The following ASTN1 variants were observed in gnomAD, a reference collection of about 807,000 sequenced individuals.
The protein encoded by ASTN1 is astrotactin-1.
A neutral mutation model predicts 140.7 loss-of-function variants in ASTN1; 41 were observed. The ratio of observed to expected loss-of-function variants is 0.29; its 90% CI spans 0.23 to 0.38. The LOEUF (loss-of-function observed/expected upper bound fraction) is 0.38, where lower values mean the gene tolerates loss of function less well. Ranked by LOEUF, ASTN1 falls within the 10% of genes least tolerant of loss-of-function variation. The pLI, the probability that ASTN1 is intolerant of heterozygous loss-of-function variation, is 1.00. For missense variants in ASTN1, 1,479 were observed against 1,678.8 expected (o/e 0.88, Z 2.08); for synonymous variants, 640 against 652.2 (o/e 0.98, Z 0.29).
chr1:177,080,144 A>G (rs972640315), intron 1 of ASTN1, among the ~76,000 whole-genome samples: 6 of 151,914 alleles, frequency 3.9e-5, no homozygotes, highest in Non-Finnish European at 7.4e-5. Context: ...TAAACTAGGG[A>G]AAAAAATCAA....
chr1:177,153,783 A>G lies in ASTN1; in HGVS notation c.283+10611T>C, dbSNP rs181880394. On this transcript the variant is annotated intron_variant, in intron 1 of 22. Transcript: ENST00000361833. ...GTCAAGAAACATACAATAACCTGGG[A>G]AAAATGATATTTGCAACTCATTTTA... is the stretch of plus-strand genomic sequence containing the variant. Among the ~76,000 whole-genome samples, 410 of 152,302 alleles carry G rather than the reference A, an allele frequency of 2.7e-3. 1 individual carries two copies. The highest frequency in any genetic ancestry group is 4.6e-3 in the Non-Finnish European group (313 of 68,016).
chr1:176,943,398 T>G (rs1671821978), intron 14 of ASTN1, among the ~76,000 whole-genome samples: 1 of 152,198 alleles, frequency 6.6e-6, no homozygotes, highest in South Asian at 2.1e-4. Flanking sequence ...CACATGAGAC[T>G]CTATTGTCTA....
chr1:176,942,963 A>T (rs192324426), intron 14 of ASTN1, among the ~76,000 whole-genome samples: 4 of 149,580 alleles, frequency 2.7e-5, no homozygotes, highest in Admixed American at 2.0e-4. Context: ...GCTGTGTCAC[A>T]GGTGCACGTC....
chr1:177,127,999 A>G (rs1040947143), intron 1 of ASTN1, among the ~76,000 whole-genome samples: 11 of 143,304 alleles, frequency 7.7e-5, no homozygotes, highest in African/African-American at 2.7e-4. Context: ...GTTCTAATAA[A>G]ATAAAACAGT....
intron 1 of ASTN1, among the ~76,000 whole-genome samples, chr1:177,135,648 G>A (rs1220232416): frequency 1.3e-5 from 2 of 152,174 alleles, no homozygotes; most frequent in Admixed American, 1.3e-4. Context: ...GGACAGGGCT[G>A]GGCTTGGATG....
In ASTN1 at chr1:177,053,907, C is replaced by A. The variant is rs548298383; in HGVS notation, c.471+7171G>T. ...TGGGGTTAGCTGCCTGGTGTAGCCA[C>A]GGAAAGAAAATTTGTGTTCCATCAT... On this transcript the variant is annotated intron_variant, in intron 2 of 22. Transcript: ENST00000361833. 2.0e-5 allele frequency among the ~76,000 whole-genome samples: 3 copies of A among 152,230 alleles called. No homozygotes were observed. In the South Asian group the frequency reaches 6.2e-4, roughly 32 times the overall value.
At chr1:177,031,877 T>C (rs940011726) in intron 3 of ASTN1, among the ~76,000 whole-genome samples, 6 of 152,202 alleles carry the variant, frequency 3.9e-5, no homozygotes, top group Admixed American at 3.3e-4. Flanking sequence ...GTTCTTCCAG[T>C]CAGTGTCTCC....
At chr1:176,916,688 C>T (rs1425868094) in intron 16 of ASTN1, among the ~76,000 whole-genome samples, 1 of 152,182 alleles carries the variant, frequency 6.6e-6, no homozygotes, top group Non-Finnish European at 1.5e-5. Flanking sequence ...GCAGCTCCCA[C>T]CTGGTTTACT....
intron 11 of ASTN1, among the ~76,000 whole-genome samples, chr1:176,951,249 G>GC (rs902886308): frequency 4.6e-5 from 7 of 152,196 alleles, no homozygotes; most frequent in Non-Finnish European, 1.0e-4. Flanking sequence ...GCTGAGGATT[G>GC]CCCCCCATGT....
chr1:177,134,481 G>T (rs1019471399), intron 1 of ASTN1, among the ~76,000 whole-genome samples: 16 of 152,134 alleles, frequency 1.1e-4, no homozygotes, highest in African/African-American at 3.9e-4. Context: ...ATGTTGGTCT[G>T]TTCCCCACCA....
chr1:177,098,708 C>T (rs569677524), intron 1 of ASTN1, among the ~76,000 whole-genome samples: 2 of 152,132 alleles, frequency 1.3e-5, no homozygotes, highest in Admixed American at 6.6e-5. Context: ...AAAAAAATAT[C>T]GGTTATGATC....
intron 8 of ASTN1, among the ~76,000 whole-genome samples, chr1:176,969,430 G>A (rs916015585): frequency 1.2e-4 from 18 of 152,176 alleles, no homozygotes; most frequent in Non-Finnish European, 2.5e-4. Context: ...AGTCAGATGA[G>A]CAACCTGGAC....
chr1:176,978,687 T>A (rs1000457335), intron 8 of ASTN1, among the ~76,000 whole-genome samples: 2 of 152,020 alleles, frequency 1.3e-5, no homozygotes, highest in African/African-American at 4.8e-5. Flanking sequence ...AAAGGCTGAG[T>A]GTTATCTGTG....
chr1:177,067,962 T>G (rs1378057017), intron 1 of ASTN1, among the ~76,000 whole-genome samples: 1 of 152,122 alleles, frequency 6.6e-6, no homozygotes, highest in Non-Finnish European at 1.5e-5. Flanking sequence ...ACGGAGTTCT[T>G]AAGTGCTAAA....
chr1:176,907,341 A>G (rs1670047140), intron 16 of ASTN1, among the ~76,000 whole-genome samples: 2 of 152,196 alleles, frequency 1.3e-5, no homozygotes, highest in Non-Finnish European at 2.9e-5. Context: ...AGGGGGGAAT[A>G]TACTCCTTAG....
rs150200261 is a variant in ASTN1, at chr1:177,116,481, C to T, written c.283+47913G>A. 2.9e-3 allele frequency among the ~76,000 whole-genome samples: 441 copies of T among 152,256 alleles called. 3 individuals carry two copies. The highest frequency in any genetic ancestry group is 1.0e-2 in the African/African-American group (415 of 41,550). ...AGTTTCCTTCCCATTAGCTCGTAAA[C>T]ATACACCCATTCATAAAAAATAAAA... On this transcript the variant is annotated intron_variant, in intron 1 of 22. Coordinates refer to ENST00000361833, the MANE Select transcript of ASTN1 (RefSeq NM_004319.3).
chr1:177,148,104 T>C (rs1682798257), intron 1 of ASTN1, among the ~76,000 whole-genome samples: 1 of 152,292 alleles, frequency 6.6e-6, no homozygotes, highest in East Asian at 1.9e-4. Flanking sequence ...CATCACTTTT[T>C]GTTGAATTTT....
At chr1:177,012,020 T>A (rs145225823) in intron 8 of ASTN1, among the ~76,000 whole-genome samples, 12 of 152,342 alleles carry the variant, frequency 7.9e-5, no homozygotes, top group African/African-American at 2.6e-4. Flanking sequence ...GCTATTTTAA[T>A]GTACGCAATA....
intron 12 of ASTN1, among the ~76,000 whole-genome samples, chr1:176,948,322 G>T (rs1166545859): frequency 6.9e-6 from 1 of 145,248 alleles, no homozygotes. Context: ...AATGGAGAGT[G>T]GGGGAAGGAT....
Sources: allele counts gnomAD v4.1 joint callset (sites outside exome capture counted in the v4.1 genomes callset), GRCh38; gene constraint gnomAD v4.1.1; transcripts MANE v1.5; gene names NCBI Gene and HGNC (gene_info 2026-07-23, HGNC 2026-07-21).